The following CACUL1 variants were observed in gnomAD, a reference collection of about 807,000 sequenced individuals.
CACUL1 encodes CDK2 associated cullin domain 1.
Under a neutral mutation model 45.2 loss-of-function variants are expected in CACUL1, and 13 were observed. The ratio of observed to expected loss-of-function variants is 0.29; its 90% CI spans 0.19 to 0.46. The LOEUF is 0.46. Among genes scored for constraint, CACUL1 ranks in the 20% least tolerant of loss-of-function variants. The pLI is 1.00. For synonymous variants in CACUL1, 197 were observed against 174.2 expected (o/e 1.13, Z -1.03); for missense variants, 421 against 471.4 (o/e 0.89, Z 0.99).
chr10:118,721,860 A>C (rs1845603799), intron 3 of CACUL1, among the ~76,000 whole-genome samples: 1 of 152,244 alleles, frequency 6.6e-6, no homozygotes, highest in Admixed American at 6.5e-5. Context: ...AAATGTATCA[A>C]CATTACTTGG....
At chr10:118,700,382 A>G (rs1173226799) in intron 5 of CACUL1, among the ~76,000 whole-genome samples, 1 of 152,122 alleles carries the variant, frequency 6.6e-6, no homozygotes, top group East Asian at 1.9e-4. Context: ...GAAAGGTAGA[A>G]TGAGATGCTA....
rs145208324 is a variant in CACUL1, at chr10:118,724,694, G to C, written c.597+4601C>G. 4.3e-3 allele frequency among the ~76,000 whole-genome samples: 655 copies of C among 152,232 alleles called. 2 individuals carry two copies. The highest frequency in any genetic ancestry group is 8.4e-3 in the Non-Finnish European group (568 of 68,014). On this transcript the variant is annotated intron_variant, in intron 3 of 8. Coordinates refer to ENST00000369151, the MANE Select transcript of CACUL1 (RefSeq NM_153810.5). ...AACCAATTAAAAGAATATTCCACTA[G>C]TGCAGGCATGAGCCAATGATGACGT...
At chr10:118,698,120 C>T (rs1031696062) in intron 5 of CACUL1, among the ~76,000 whole-genome samples, 6 of 151,488 alleles carry the variant, frequency 4.0e-5, no homozygotes, top group African/African-American at 1.2e-4. Flanking sequence ...AGACGTGGCT[C>T]CCAAATTCTT....
At chr10:118,733,443 A>G (rs560932620) in intron 1 of CACUL1, among the ~76,000 whole-genome samples, 1 of 152,316 alleles carries the variant, frequency 6.6e-6, no homozygotes, top group African/African-American at 2.4e-5. Context: ...ATGCTAGCTA[A>G]CATAACTTTC....
rs188717478 is a variant in CACUL1 at position 118,710,056 on chromosome 10, G to T, written c.598-2469C>A. 6.0e-5 allele frequency among the ~76,000 whole-genome samples: 9 copies of T among 150,690 alleles called. No individual in the cohort carries two copies. The East Asian group carries it at 1.8e-3, about 29-fold the overall frequency. On this transcript the variant is annotated intron_variant, in intron 3 of 8. Coordinates refer to ENST00000369151, the MANE Select transcript of CACUL1 (RefSeq NM_153810.5). Reference sequence around the variant, plus strand: ...ACCTCCCAACTAGCTGGGACTACAGGTATGCAGCACTAGGCCTGCCTAATT... The same window carrying T: ...ACCTCCCAACTAGCTGGGACTACAGTTATGCAGCACTAGGCCTGCCTAATT...
At chr10:118,717,806 C>T (rs1845561780) in intron 3 of CACUL1, among the ~76,000 whole-genome samples, 1 of 152,134 alleles carries the variant, frequency 6.6e-6, no homozygotes, top group African/African-American at 2.4e-5. Context: ...CATGGGTTTC[C>T]ACTGGGTCAT....
At chr10:118,748,754 T>C (rs938733335) in intron 1 of CACUL1, among the ~76,000 whole-genome samples, 2 of 152,152 alleles carry the variant, frequency 1.3e-5, no homozygotes, top group Non-Finnish European at 2.9e-5. Context: ...GCATTTTGGA[T>C]GAGGGATAGT....
At chr10:118,686,476 A>G in intron 8 of CACUL1, 122 bp downstream of exon 8, 1 of 820,222 alleles carries the variant, frequency 1.2e-6, no homozygotes, top group South Asian at 1.5e-5. Context: ...CCTTGATTAC[A>G]AGCAGTGCCT....
intron 3 of CACUL1, among the ~76,000 whole-genome samples, chr10:118,713,273 CAG>C (rs1845509658): frequency 6.6e-6 from 1 of 152,222 alleles, no homozygotes; most frequent in African/African-American, 2.4e-5. Flanking sequence ...GCAGTAGTAA[CAG>C]ACACTTCTGA....
chr10:118,741,770 T>C (rs1845795594), intron 1 of CACUL1, among the ~76,000 whole-genome samples: 1 of 152,192 alleles, frequency 6.6e-6, no homozygotes, highest in East Asian at 1.9e-4. Flanking sequence ...AATGTCTCCC[T>C]TAAAACCTCC....
intron 1 of CACUL1, among the ~76,000 whole-genome samples, chr10:118,747,825 C>G (rs1484781161): frequency 6.6e-6 from 1 of 152,128 alleles, no homozygotes; most frequent in Non-Finnish European, 1.5e-5. Context: ...TAGTTTACAA[C>G]TGTAATCCCA....
intron 7 of CACUL1, among the ~76,000 whole-genome samples, chr10:118,690,280 C>A (rs1845250182): frequency 7.4e-6 from 1 of 135,676 alleles, no homozygotes; most frequent in Admixed American, 7.9e-5. Flanking sequence ...CGCAGTCCGG[C>A]CTGGGCGACA....
At chr10:118,736,543 T>C (rs961145763) in intron 1 of CACUL1, among the ~76,000 whole-genome samples, 1 of 151,058 alleles carries the variant, frequency 6.6e-6, no homozygotes, top group Non-Finnish European at 1.5e-5. Context: ...GGTTTTGCCA[T>C]GTTCCCCAGG....
chr10:118,729,229 G>T, intron 3 of CACUL1, 66 bp downstream of exon 3: 1 of 1,009,386 alleles, frequency 9.9e-7, no homozygotes. Context: ...ATGTGTATTA[G>T]AAAAGCTAAC....
In CACUL1 at chr10:118,721,937, T is replaced by C. The variant is rs190545837; in HGVS notation, c.597+7358A>G. On this transcript the variant is annotated intron_variant, in intron 3 of 8. Coordinates refer to ENST00000369151, the MANE Select transcript of CACUL1 (RefSeq NM_153810.5). ...AGAAATACACATAGAAAAAATGAAA[T>C]GAGGAAGTGTCATTTAAGACAGTTT... Among the ~76,000 whole-genome samples the C allele has an allele frequency of 3.0e-3, 464 of 152,236 alleles. 2 individuals are homozygous for C. Among genetic ancestry groups the C allele is most frequent in the African/African-American group, 0.011 (443 of 41,542 alleles).
At chr10:118,743,856 A>G (rs754522523) in intron 1 of CACUL1, among the ~76,000 whole-genome samples, 4 of 152,232 alleles carry the variant, frequency 2.6e-5, no homozygotes, top group South Asian at 2.1e-4. Context: ...TTAGAAAATG[A>G]AGATAAAATA....
At chr10:118,706,314 G>T (rs545696295) in intron 4 of CACUL1, among the ~76,000 whole-genome samples, 1 of 152,156 alleles carries the variant, frequency 6.6e-6, no homozygotes, top group Admixed American at 6.5e-5. Flanking sequence ...AATAGGCCCT[G>T]TCTTTCAGCT....
At chr10:118,723,419 T>C (rs2119626553) in intron 3 of CACUL1, among the ~76,000 whole-genome samples, 1 of 152,302 alleles carries the variant, frequency 6.6e-6, no homozygotes, top group East Asian at 1.9e-4. Context: ...TATATTCTTA[T>C]ATCCTAGAAG....
At chr10:118,713,903 A>T (rs185355378) in intron 3 of CACUL1, among the ~76,000 whole-genome samples, 1,719 of 152,328 alleles carry the variant, frequency 0.011, 18 homozygotes, top group Middle Eastern at 0.027. Flanking sequence ...TCAAGATTCC[A>T]AAAAGCTTTT....
Sources: allele counts gnomAD v4.1 joint callset (sites outside exome capture counted in the v4.1 genomes callset), GRCh38; gene constraint gnomAD v4.1.1; transcripts MANE v1.5; gene names NCBI Gene and HGNC (gene_info 2026-07-23, HGNC 2026-07-21).